Variants in SEPTIN3 observed in about 807,000 individuals in gnomAD.
The protein encoded by SEPTIN3 is septin 3.
SEPTIN3 carries 15 observed loss-of-function variants against 45.1 expected under a neutral mutation model. That is an observed-to-expected ratio of 0.33 (90% confidence interval 0.22 to 0.51). The LOEUF is 0.51. SEPTIN3 is among the 20% of genes least tolerant of loss of function. SEPTIN3 has a pLI of 0.97. For missense variants in SEPTIN3, 289 were observed against 457.2 expected, an observed-to-expected ratio of 0.63 and a Z score of 3.35; for synonymous variants, 148 against 164.8, an observed-to-expected ratio of 0.90 and a Z score of 0.78.
chr22:41,974,955 G>C (rs1485231863), intron 2 of SEPTIN3, among the ~76,000 whole-genome samples: 1 of 150,344 alleles, frequency 6.7e-6, no homozygotes, highest in African/African-American at 2.5e-5. Context: ...TTGTCTAATA[G>C]GTAGTCTCTG....
At position 41,989,609 on chromosome 22, in the gene SEPTIN3, G is replaced by A. The variant is rs760414594; in HGVS notation, c.2088G>A (p.Lys696=). ...TTGAGTTCATGAAACACCTCAGCAA[G>A]GTTGTGAACATCATCCCTGTCATTG... ...LDLEFMKHLS[K]VVNIIPVIAK... The change falls in exon 7 of 12, where the codon AAG becomes AAA. Residue 696 remains lysine, a synonymous_variant. Transcript: ENST00000644076. 17 of 1,614,084 alleles carry A rather than the reference G, an allele frequency of 1.1e-5. No individual in the cohort carries two copies. In the South Asian group the frequency reaches 1.8e-4, roughly 17 times the overall value.
At chr22:41,992,814 C>T in intron 9 of SEPTIN3, 51 bp downstream of exon 9, 1 of 1,238,330 alleles carries the variant, frequency 8.1e-7, no homozygotes, top group Non-Finnish European at 1.2e-6. Context: ...GTTATCCAGT[C>T]ACCATTTATT....
chr22:41,996,633 A>G, intron 11 of SEPTIN3: 3 of 1,247,366 alleles, frequency 2.4e-6, no homozygotes, highest in Non-Finnish European at 3.0e-6. Context: ...GGCACCTGTC[A>G]GGACAGAACA....
rs762226794 is a variant in SEPTIN3 at position 41,981,841 on chromosome 22, G to A, written c.1696+5G>A. Reference sequence around the variant, plus strand: ...ACTTCAACATCATGGTCGTTGGTACGGAAGGCTGTGGGGCTGCTGCAGGCC... The same window carrying A: ...ACTTCAACATCATGGTCGTTGGTACAGAAGGCTGTGGGGCTGCTGCAGGCC... On this transcript the variant is annotated splice_donor_5th_base_variant and intron_variant, in intron 3 of 11. Coordinates refer to ENST00000644076, the MANE Select transcript of SEPTIN3 (RefSeq NM_001363845.2). 6 of 1,611,870 alleles carry A rather than the reference G, an allele frequency of 3.7e-6. No individual in the cohort carries two copies. The highest frequency in any genetic ancestry group is 2.7e-5 in the African/African-American group (2 of 74,902).
intron 7 of SEPTIN3, 129 bp downstream of exon 7, chr22:41,989,813 C>A: frequency 1.6e-6 from 1 of 637,734 alleles, no homozygotes; most frequent in Non-Finnish European, 2.8e-6. Flanking sequence ...ATTCTCCACC[C>A]CAGCCCCCTT....
chr22:41,989,118 C>T (rs1319429356), intron 6 of SEPTIN3, among the ~76,000 whole-genome samples: 1 of 126,990 alleles, frequency 7.9e-6, no homozygotes, highest in Non-Finnish European at 1.7e-5. Flanking sequence ...CAAAGTGAGA[C>T]CCTGTCTCAA....
intron 2 of SEPTIN3, among the ~76,000 whole-genome samples, chr22:41,979,295 G>C (rs775784294): frequency 3.3e-5 from 5 of 152,170 alleles, no homozygotes; most frequent in Admixed American, 2.0e-4. Context: ...GCAGGCCATG[G>C]TGAGAGCACA....
intron 3 of SEPTIN3, among the ~76,000 whole-genome samples, chr22:41,983,328 G>A (rs2078151805): frequency 6.6e-6 from 1 of 152,242 alleles, no homozygotes; most frequent in African/African-American, 2.4e-5. Flanking sequence ...ATGGGTCAGG[G>A]ACCCTGGTAG....
intron 3 of SEPTIN3, among the ~76,000 whole-genome samples, chr22:41,985,300 C>T (rs1265349040): frequency 6.6e-6 from 1 of 152,264 alleles, no homozygotes; most frequent in Non-Finnish European, 1.5e-5. Flanking sequence ...CAGCCTCCTC[C>T]TCCTCTCACA....
At position 41,977,165 on chromosome 22, in the gene SEPTIN3, C is replaced by T; in HGVS notation, c.1504+4169C>T. On this transcript the variant is annotated intron_variant, in intron 2 of 11. Coordinates refer to ENST00000644076, the MANE Select transcript of SEPTIN3 (RefSeq NM_001363845.2). ...GGAGGCGCTCCTGGGGGAGGGTTTC[C>T]GCGCCGAGGAGCCCACGCGCGGTGA... 3.0e-6 allele frequency: 4 copies of T among 1,351,856 alleles called. No individual in the cohort carries two copies. In the South Asian group the frequency reaches 5.4e-5, roughly 18 times the overall value. 83.7% of individuals were successfully genotyped at this position (1,351,856 alleles called of 1,614,324 possible).
Position 41,970,707 on chromosome 22 carries a change from G to T in SEPTIN3, c.-19-767G>T, listed in dbSNP as rs151282479. Among the ~76,000 whole-genome samples the T allele has an allele frequency of 8.5e-4, 129 of 152,270 alleles. 1 individual carries two copies. The highest frequency in any genetic ancestry group is 3.1e-3 in the African/African-American group (128 of 41,556). Reference sequence around the variant, plus strand: ...TTCTGTAGGAACAGCCCCAGCTCAGGTCTAGCCTCCCGCCTTTCTACCCCT... The same window carrying T: ...TTCTGTAGGAACAGCCCCAGCTCAGTTCTAGCCTCCCGCCTTTCTACCCCT... On this transcript the variant is annotated intron_variant, in intron 1 of 11. Transcript: ENST00000644076.
intron 11 of SEPTIN3, chr22:41,995,277 G>A (rs2078411440): frequency 1.0e-6 from 1 of 990,094 alleles, no homozygotes; most frequent in Admixed American, 5.7e-5. Context: ...GGTAAGGCTG[G>A]GGCTTCCTGG....
In SEPTIN3 at chr22:41,972,487, C is replaced by G; in HGVS notation, c.995C>G (p.Pro332Arg). Residue 332 changes from proline to arginine, a missense_variant, in exon 2 of 12, where the codon CCG becomes CGG. Physicochemically the swap from Pro to Arg is moderately radical, Grantham distance 103 (BLOSUM62 -2). Coordinates refer to ENST00000644076, the MANE Select transcript of SEPTIN3 (RefSeq NM_001363845.2). ...TTGGCTACAGCAGGCACAATCAAGC[C>G]GGGCACAGCCATGAATCTGACTACA... ...VNLATAGTIKPGTAMNLTTVG... is the reference protein window; with the variant it reads ...VNLATAGTIKRGTAMNLTTVG... 2 of 398,918 alleles carry G rather than the reference C, an allele frequency of 5.0e-6. No individual in the cohort carries two copies. Among genetic ancestry groups the G allele is most frequent in the East Asian group, 7.1e-5 (2 of 28,094 alleles). The allele number at this position is 398,918 out of a possible 1,614,324, so 24.7% of individuals were successfully genotyped here. A position where few individuals can be genotyped will look rare whatever the true frequency, so the allele number is the denominator to read the frequency against.
At position 41,986,015 on chromosome 22, in the gene SEPTIN3, C is replaced by A; in HGVS notation, c.1728C>A (p.Val576=). ...GTGGACTGGGCAAATCAACGCTGGTCAACACGCTCTTCAAATCCCAAGTGA... is the reference window on the plus strand; with the variant it reads ...GTGGACTGGGCAAATCAACGCTGGTAAACACGCTCTTCAAATCCCAAGTGA... The part of the protein sequence containing the change: ...GQSGLGKSTL[V]NTLFKSQVSR... The change falls in exon 4 of 12, where the codon GTC becomes GTA. Residue 576 remains valine (V), a synonymous_variant. Transcript: ENST00000644076. The A allele has an allele frequency of 6.2e-7, 1 of 1,612,968 alleles. No individual in the cohort carries two copies. The highest frequency in any genetic ancestry group is 1.1e-5 in the South Asian group (1 of 90,844).
chr22:41,985,566 G>A (rs1250173081), intron 3 of SEPTIN3: 2 of 162,284 alleles, frequency 1.2e-5, no homozygotes, highest in East Asian at 3.6e-4. Context: ...AATGAATTTG[G>A]CTAACAAATG....
Position 41,994,781 on chromosome 22 carries a change from C to A in SEPTIN3, c.2505+67C>A, listed in dbSNP as rs369588003. ...ACGACCACTTCTCTGTGTCATCACA[C>A]ATACCCACTTCACACACACACATCC... On this transcript the variant is annotated intron_variant, in intron 11 of 11. Transcript: ENST00000644076. This position sits in a 1 kb window ranked among gnomAD's most constrained non-coding sequence, Gnocchi z 4.2. 2.4e-5 allele frequency: 39 copies of A among 1,613,382 alleles called. No individual in the cohort carries two copies. Among genetic ancestry groups the A allele is most frequent in the Non-Finnish European group, 3.3e-5 (39 of 1,179,908 alleles).
At chr22:41,987,401 C>G in intron 5 of SEPTIN3, 114 bp downstream of exon 5, 1 of 1,160,942 alleles carries the variant, frequency 8.6e-7, no homozygotes, top group South Asian at 1.5e-5. Flanking sequence ...TCTGTAGTTC[C>G]CGACAGCCCA....
chr22:41,981,890 C>G (rs1285396381), intron 3 of SEPTIN3, 54 bp downstream of exon 3: 8 of 1,513,470 alleles, frequency 5.3e-6, no homozygotes, highest in Non-Finnish European at 7.3e-6. Flanking sequence ...CACCAAGGAT[C>G]CCATTTCTTT....
At chr22:41,989,735 C>A in intron 7 of SEPTIN3, 51 bp downstream of exon 7, 1 of 1,246,748 alleles carries the variant, frequency 8.0e-7, no homozygotes, top group Non-Finnish European at 1.2e-6. Context: ...TCCTTTCTCT[C>A]CGCTGGGTTC....
Sources: gnomAD v4.1 joint callset for allele counts (sites outside exome capture counted in the v4.1 genomes callset) on GRCh38, gnomAD v4.1.1 for gene constraint, Gnocchi (gnomAD v3.1) non-coding constraint, MANE v1.5 for transcripts, NCBI Gene and HGNC (gene_info 2026-07-23, HGNC 2026-07-21) for gene names.